FBXL7: variants seen among roughly 807,000 people sequenced by gnomAD.
The protein encoded by FBXL7 is F-box and leucine rich repeat protein 7.
FBXL7 carries 12 observed loss-of-function variants against 38.3 expected under a neutral mutation model. The observed-to-expected ratio is 0.31, with a 90% CI of 0.20 to 0.51. The LOEUF (loss-of-function observed/expected upper bound fraction) is 0.51, where lower values mean the gene tolerates loss of function less well. Ranked by LOEUF, FBXL7 falls within the 20% of genes least tolerant of loss-of-function variation. The pLI is 0.98. For missense variants in FBXL7, 567 were observed against 676.4 expected (o/e 0.84, Z 1.79); for synonymous variants, 297 against 300.9 (o/e 0.99, Z 0.13).
At chr5:15,503,684 G>A (rs918832984) in intron 1 of FBXL7, among the ~76,000 whole-genome samples, 3 of 152,164 alleles carry the variant, frequency 2.0e-5, no homozygotes, top group African/African-American at 7.2e-5. Flanking sequence ...GGGGCTGCCT[G>A]ATTTGCGAAT....
intron 1 of FBXL7, among the ~76,000 whole-genome samples, chr5:15,511,693 G>T (rs1012894539): frequency 6.6e-6 from 1 of 152,172 alleles, no homozygotes; most frequent in Non-Finnish European, 1.5e-5. Context: ...TATCATCACA[G>T]GAATGGTGGC....
chr5:15,658,430 A>C (rs1229093562), intron 2 of FBXL7, among the ~76,000 whole-genome samples: 1 of 152,140 alleles, frequency 6.6e-6, no homozygotes, highest in African/African-American at 2.4e-5. Context: ...TCGTGAGGGC[A>C]GTTTCCCCCA....
intron 1 of FBXL7, among the ~76,000 whole-genome samples, chr5:15,608,930 A>C (rs1007257396): frequency 6.6e-6 from 1 of 152,204 alleles, no homozygotes; most frequent in Non-Finnish European, 1.5e-5. Context: ...CATTTACAGA[A>C]GGTGAAAGGT....
chr5:15,643,184 G>T (rs150786179), intron 2 of FBXL7, among the ~76,000 whole-genome samples: 6 of 152,274 alleles, frequency 3.9e-5, no homozygotes, highest in African/African-American at 1.2e-4. Flanking sequence ...CAATCCTTAG[G>T]CTTCATCATG....
chr5:15,524,921 G>A (rs1737206588), intron 1 of FBXL7, among the ~76,000 whole-genome samples: 1 of 152,228 alleles, frequency 6.6e-6, no homozygotes, highest in Non-Finnish European at 1.5e-5. Flanking sequence ...GTGGACCCAT[G>A]CTGATGGCTG....
intron 1 of FBXL7, among the ~76,000 whole-genome samples, chr5:15,518,744 A>T (rs1737014395): frequency 6.6e-6 from 1 of 151,972 alleles, no homozygotes; most frequent in African/African-American, 2.4e-5. Context: ...AGGCCGGGAG[A>T]GTGAATCAGG....
chr5:15,775,021 C>T (rs1030669848), intron 2 of FBXL7, among the ~76,000 whole-genome samples: 12 of 152,104 alleles, frequency 7.9e-5, no homozygotes, highest in Non-Finnish European at 1.0e-4. Context: ...TGACAGATCA[C>T]CAGGTAGAAA....
At chr5:15,636,664 G>A (rs755992114) in intron 2 of FBXL7, among the ~76,000 whole-genome samples, 3 of 145,056 alleles carry the variant, frequency 2.1e-5, no homozygotes, top group Non-Finnish European at 3.0e-5. Flanking sequence ...TCTATCATTT[G>A]TAGAAGGGCT....
chr5:15,688,943 T>A (rs541435310), intron 2 of FBXL7, among the ~76,000 whole-genome samples: 1 of 152,278 alleles, frequency 6.6e-6, no homozygotes, highest in African/African-American at 2.4e-5. Flanking sequence ...CTAGAATCCA[T>A]ACTGGGTAAT....
At chr5:15,860,785 C>T (rs1309986849) in intron 2 of FBXL7, among the ~76,000 whole-genome samples, 1 of 152,062 alleles carries the variant, frequency 6.6e-6, no homozygotes, top group East Asian at 1.9e-4. Context: ...AGACTATGGG[C>T]CGAAATAATC....
At chr5:15,731,304 G>A (rs1342654262) in intron 2 of FBXL7, among the ~76,000 whole-genome samples, 1 of 152,200 alleles carries the variant, frequency 6.6e-6, no homozygotes, top group African/African-American at 2.4e-5. Context: ...TCACAATCAT[G>A]GTGAAGGCAA....
intron 1 of FBXL7, among the ~76,000 whole-genome samples, chr5:15,551,759 T>C (rs568694426): frequency 1.3e-5 from 2 of 152,256 alleles, no homozygotes; most frequent in Non-Finnish European, 2.9e-5. Context: ...TGTGTATATC[T>C]GTTTCTGAAT....
intron 2 of FBXL7, among the ~76,000 whole-genome samples, chr5:15,663,926 T>C (rs1397494954): frequency 2.6e-5 from 4 of 152,192 alleles, no homozygotes; most frequent in Admixed American, 2.6e-4. Context: ...TTTTTTCTAA[T>C]TGGGGTGTTT....
At chr5:15,525,648 A>G (rs1053068980) in intron 1 of FBXL7, among the ~76,000 whole-genome samples, 7 of 152,164 alleles carry the variant, frequency 4.6e-5, no homozygotes, top group African/African-American at 1.7e-4. Context: ...ATACATATCC[A>G]TACATACATA....
intron 2 of FBXL7, among the ~76,000 whole-genome samples, chr5:15,821,093 G>A (rs1166419478): frequency 2.0e-5 from 3 of 152,168 alleles, no homozygotes; most frequent in African/African-American, 4.8e-5. Flanking sequence ...GAATAGAGTC[G>A]GACACATGGT....
chr5:15,921,380 CAAAAAA>C (rs56077834), intron 2 of FBXL7, among the ~76,000 whole-genome samples: 1 of 124,678 alleles, frequency 8.0e-6, no homozygotes, highest in Admixed American at 8.1e-5. Flanking sequence ...GACTCCATCT[CAAAAAA>C]AAAAAAAAAA....
In FBXL7 at chr5:15,906,436, A is replaced by ATT. The variant is rs70938032; in HGVS notation, c.128-21436_128-21435dup. Among the ~76,000 whole-genome samples, 847 of 125,888 alleles carry ATT rather than the reference A, an allele frequency of 6.7e-3. 9 individuals are homozygous for ATT. Among genetic ancestry groups the ATT allele is most frequent in the African/African-American group, 0.023 (764 of 32,994 alleles). 82.6% of individuals were successfully genotyped at this position (125,888 alleles called of 152,430 possible). A position where few individuals can be genotyped will look rare whatever the true frequency, so the allele number is the denominator to read the frequency against. On this transcript the variant is annotated intron_variant, in intron 2 of 3. Coordinates refer to ENST00000504595, the MANE Select transcript of FBXL7 (RefSeq NM_012304.5). ...TATTTTACATAGTTGACCTAGAAGG[A>ATT]TTTTTTTTTTTTTTTTTTTATGTAA...
chr5:15,544,287 C>T (rs1460637930), intron 1 of FBXL7, among the ~76,000 whole-genome samples: 3 of 152,182 alleles, frequency 2.0e-5, no homozygotes, highest in Admixed American at 6.5e-5. Context: ...GGGGCTCACC[C>T]GTCCTGCATC....
At chr5:15,905,745 C>T (rs1277342766) in intron 2 of FBXL7, among the ~76,000 whole-genome samples, 1 of 152,070 alleles carries the variant, frequency 6.6e-6, no homozygotes, top group East Asian at 1.9e-4. Flanking sequence ...GTCTGCCCAT[C>T]AGAAAAGTGT....
Sources: allele counts gnomAD v4.1 joint callset (sites outside exome capture counted in the v4.1 genomes callset), GRCh38; gene constraint gnomAD v4.1.1; transcripts MANE v1.5; gene names NCBI Gene and HGNC (gene_info 2026-07-23, HGNC 2026-07-21).